LHPP: variants seen among roughly 807,000 people sequenced by gnomAD.
The protein encoded by LHPP is hLHPP.
A neutral mutation model predicts 30.3 loss-of-function variants in LHPP; 24 were observed. The observed-to-expected ratio is 0.79, with a 90% CI of 0.57 to 1.11. The LOEUF is 1.11. Ranked by LOEUF, LHPP falls within the 50% of genes most tolerant of loss-of-function variation. LHPP has a pLI of 0.00. For synonymous variants in LHPP, 150 were observed against 157.1 expected (o/e 0.95, Z 0.34); for missense variants, 356 against 367.2 (o/e 0.97, Z 0.25).
At chr10:124,534,117 C>T (rs1954962091) in intron 6 of LHPP, among the ~76,000 whole-genome samples, 1 of 152,212 alleles carries the variant, frequency 6.6e-6, no homozygotes, top group Non-Finnish European at 1.5e-5. Context: ...TGTTGGAAAC[C>T]CCTCAGAGGC....
chr10:124,610,378 G>A (rs1426450188), intron 6 of LHPP, among the ~76,000 whole-genome samples: 1 of 142,724 alleles, frequency 7.0e-6, no homozygotes, highest in African/African-American at 2.8e-5. Context: ...CTGGTGGAGC[G>A]GGTGAGGGTG....
intron 6 of LHPP, among the ~76,000 whole-genome samples, chr10:124,553,620 G>T (rs1948224737): frequency 6.6e-6 from 1 of 152,034 alleles, no homozygotes; most frequent in African/African-American, 2.4e-5. Context: ...CACCACGCCT[G>T]GCTAATTTTT....
At chr10:124,492,904 C>G (rs1470160879) in intron 3 of LHPP, among the ~76,000 whole-genome samples, 1 of 152,134 alleles carries the variant, frequency 6.6e-6, no homozygotes, top group Non-Finnish European at 1.5e-5. Context: ...AAAGATGTCT[C>G]ATGCTGAGCT....
At chr10:124,474,953 C>T (rs556945879) in intron 1 of LHPP, among the ~76,000 whole-genome samples, 11 of 151,956 alleles carry the variant, frequency 7.2e-5, no homozygotes, top group South Asian at 4.2e-4. Flanking sequence ...TTGTCAGAGA[C>T]GTGGTTGTCA....
chr10:124,482,952 C>T (rs370498706), intron 1 of LHPP, among the ~76,000 whole-genome samples: 1 of 152,216 alleles, frequency 6.6e-6, no homozygotes, highest in Admixed American at 6.5e-5. Context: ...TCCATGCTCA[C>T]GACTACAGCT....
intron 6 of LHPP, among the ~76,000 whole-genome samples, chr10:124,520,816 C>A (rs944259046): frequency 6.6e-6 from 1 of 152,092 alleles, no homozygotes; most frequent in Non-Finnish European, 1.5e-5. Flanking sequence ...ACTTGTAGCT[C>A]GCCCACAGTG....
At chr10:124,545,092 C>T (rs895429492) in intron 6 of LHPP, among the ~76,000 whole-genome samples, 2 of 152,272 alleles carry the variant, frequency 1.3e-5, no homozygotes, top group East Asian at 1.9e-4. Flanking sequence ...CTGGTGCCCC[C>T]GCCCCCAGAG....
At chr10:124,610,317 T>TGGGTGAGGGTGCTGATGGAGCGGGTGA (rs1564852638) in intron 6 of LHPP, among the ~76,000 whole-genome samples, 1 of 20,782 alleles carries the variant, frequency 4.8e-5, no homozygotes, top group Non-Finnish European at 1.3e-4. Context: ...GGTGCGGGTG[T>TGGGTGAGGGTGCTGATGGAGCGGGTGA]GGGTGCGGGT....
At chr10:124,555,893 G>A (rs1014659026) in intron 6 of LHPP, among the ~76,000 whole-genome samples, 1 of 152,102 alleles carries the variant, frequency 6.6e-6, no homozygotes, top group Admixed American at 6.5e-5. Context: ...AAGTCCTCAG[G>A]CCATATTCCC....
intron 1 of LHPP, among the ~76,000 whole-genome samples, chr10:124,469,436 C>T (rs7913776): frequency 0.053 from 8,028 of 152,024 alleles, 746 homozygotes; most frequent in African/African-American, 0.18. Context: ...GCAGTCACCC[C>T]GCATCGAGGG....
chr10:124,519,149 T>C (rs1954539237), intron 6 of LHPP, among the ~76,000 whole-genome samples: 1 of 152,138 alleles, frequency 6.6e-6, no homozygotes, highest in Non-Finnish European at 1.5e-5. Context: ...GGTTTCACCA[T>C]GTTGGCCAGG....
intron 5 of LHPP, among the ~76,000 whole-genome samples, chr10:124,511,527 A>G (rs866283976): frequency 6.6e-6 from 1 of 152,186 alleles, no homozygotes; most frequent in Non-Finnish European, 1.5e-5. Flanking sequence ...TAACTGGCAG[A>G]ATTCTCAACA....
In LHPP at chr10:124,592,840, C is replaced by G. The variant is rs936389399; in HGVS notation, c.717-20424C>G. Among the ~76,000 whole-genome samples, 1 of 152,244 alleles carries G rather than the reference C, an allele frequency of 6.6e-6. No homozygotes were observed. Among genetic ancestry groups the G allele is most frequent in the African/African-American group, 2.4e-5 (1 of 41,474 alleles). ...GATTCCGTCTAGGAATCGTCCAGGG[C>G]GCGGCAGCCCGCCAGGAGCCCGGGC... On this transcript the variant is annotated intron_variant, in intron 6 of 6. Coordinates refer to ENST00000368842, the MANE Select transcript of LHPP (RefSeq NM_022126.4). The surrounding 1 kb of genome is among the most constrained non-coding windows in gnomAD (Gnocchi z 6.2).
At chr10:124,565,158 C>T (rs6597844) in intron 6 of LHPP, among the ~76,000 whole-genome samples, 92,869 of 151,902 alleles carry the variant, frequency 0.61, 28,940 homozygotes, top group Middle Eastern at 0.68. Context: ...CTTCACTCGC[C>T]GAAGCTCCCC....
Position 124,506,917 on chromosome 10 carries a change from G to A in LHPP, c.624+8789G>A, listed in dbSNP as rs1318715133. Among the ~76,000 whole-genome samples the A allele has an allele frequency of 6.3e-4, 17 of 26,898 alleles. 1 individual carries two copies. Among genetic ancestry groups the A allele is most frequent in the Non-Finnish European group, 1.0e-3 (13 of 12,604 alleles). 17.6% of individuals were successfully genotyped at this position (26,898 alleles called of 152,430 possible). ...GGGGGTAGGGAGGATTTCAGGTTGG[G>A]GGGTAGACAGGATTTCAGGTGGGGG... On this transcript the variant is annotated intron_variant, in intron 5 of 6. Coordinates refer to ENST00000368842, the MANE Select transcript of LHPP (RefSeq NM_022126.4).
rs139048954 is a variant in LHPP at position 124,500,944 on chromosome 10, C to A, written c.624+2816C>A. On this transcript the variant is annotated intron_variant, in intron 5 of 6. Coordinates refer to ENST00000368842, the MANE Select transcript of LHPP (RefSeq NM_022126.4). ...ACACGTGTTCAAACAAAAACTTGTA[C>A]ACAGATATTCATAGCAGCTCCATAC... Among the ~76,000 whole-genome samples the A allele has an allele frequency of 3.9e-3, 600 of 151,984 alleles. 23 individuals carry two copies. The highest frequency in any genetic ancestry group is 0.013 in the African/African-American group (554 of 41,288).
At chr10:124,538,480 T>C (rs1955095053) in intron 6 of LHPP, among the ~76,000 whole-genome samples, 1 of 152,212 alleles carries the variant, frequency 6.6e-6, no homozygotes, top group African/African-American at 2.4e-5. Flanking sequence ...TGTTCTGAGC[T>C]GTTCCACCTT....
intron 6 of LHPP, among the ~76,000 whole-genome samples, chr10:124,581,881 A>C (rs1196146445): frequency 1.3e-5 from 2 of 152,096 alleles, no homozygotes; most frequent in African/African-American, 4.8e-5. Context: ...TCCTGGGTTC[A>C]TGCCATTCTC....
rs1368232091 is a variant in LHPP, at chr10:124,590,343, C to T, written c.717-22921C>T. ...GACTGCGGGGAAGTGCTGGAACCCT[C>T]CGCACGAGGGCAACCTTTCTTGGGC... On this transcript the variant is annotated intron_variant, in intron 6 of 6. Transcript: ENST00000368842. The surrounding 1 kb of genome is among the most constrained non-coding windows in gnomAD (Gnocchi z 4.3). 6.6e-6 allele frequency among the ~76,000 whole-genome samples: 1 copy of T among 152,200 alleles called. No homozygotes were observed. Among genetic ancestry groups the T allele is most frequent in the African/African-American group, 2.4e-5 (1 of 41,454 alleles).
Sources: gnomAD v4.1 joint callset for allele counts (sites outside exome capture counted in the v4.1 genomes callset) on GRCh38, gnomAD v4.1.1 for gene constraint, Gnocchi (gnomAD v3.1) non-coding constraint, MANE v1.5 for transcripts, NCBI Gene and HGNC (gene_info 2026-07-23, HGNC 2026-07-21) for gene names.